Variants in CLEC4E observed in about 807,000 individuals in gnomAD.
CLEC4E encodes the protein C-type lectin domain family 4 member E.
CLEC4E carries 21 observed loss-of-function variants against 24.7 expected under a neutral mutation model. The ratio of observed to expected loss-of-function variants is 0.85; its 90% CI spans 0.60 to 1.22. The LOEUF is 1.22. Among genes scored for constraint, CLEC4E ranks in the 50% most tolerant of loss-of-function variants. The pLI is 0.00. For missense variants in CLEC4E, 249 were observed against 254.1 expected (o/e 0.98, Z 0.14); for synonymous variants, 94 against 85.7 (o/e 1.10, Z -0.54).
intron 2 of CLEC4E, 148 bp from the exon 3 acceptor site, chr12:8,539,454 T>C (rs758200717): frequency 1.6e-6 from 1 of 630,098 alleles, no homozygotes; most frequent in South Asian, 1.9e-5. Flanking sequence ...AAAATAGATA[T>C]GTTTGCACTA....
chr12:8,537,338 C>T, intron 3 of CLEC4E, 72 bp from the exon 4 acceptor site: 1 of 1,432,936 alleles, frequency 7.0e-7, no homozygotes, highest in Non-Finnish European at 9.6e-7. Context: ...CATCTGGCCC[C>T]ATGGAGTCCT....
chr12:8,534,864 C>A, intron 5 of CLEC4E, 55 bp from the exon 6 acceptor site: 1 of 1,442,804 alleles, frequency 6.9e-7, no homozygotes, highest in Non-Finnish European at 9.5e-7. Flanking sequence ...GGTAAAGTAA[C>A]CTAATATACT....
rs781583386 is a variant in CLEC4E at position 8,534,599 on chromosome 12, C to T, written c.*39G>A. 1 of 1,555,666 alleles carries T rather than the reference C, an allele frequency of 6.4e-7. No individual in the cohort carries two copies. Among genetic ancestry groups the T allele is most frequent in the Non-Finnish European group, 8.8e-7 (1 of 1,138,898 alleles). Reference sequence around the variant, plus strand: ...GGCGGTGGGTGTGGCCATGTTCTTGCTCTTCCTTCTTTACACATTTGAGTT... The same window carrying T: ...GGCGGTGGGTGTGGCCATGTTCTTGTTCTTCCTTCTTTACACATTTGAGTT... On this transcript the variant is annotated 3_prime_UTR_variant, in exon 6 of 6. Transcript: ENST00000299663.
At chr12:8,538,008 G>A (rs193162825) in intron 3 of CLEC4E, among the ~76,000 whole-genome samples, 4 of 152,252 alleles carry the variant, frequency 2.6e-5, no homozygotes, top group Admixed American at 6.5e-5. Flanking sequence ...TTGGTCTAGC[G>A]GTGACGCCAG....
chr12:8,539,281 A>C lies in CLEC4E; in HGVS notation c.156T>G (p.Cys52Trp). ...CAGGTAGCTGAAACTTTTTCTCATC[A>C]CAGGTTTGAAAGATGCGAAATGTCA... is the stretch of plus-strand genomic sequence containing the variant. ...CVVTFRIFQT[C>W]DEKKFQLPEN... Residue 52 changes from cysteine to tryptophan, a missense_variant, in exon 3 of 6, where the codon TGT becomes TGG. By Grantham distance (215) the Cys-to-Trp change is radical. Coordinates refer to ENST00000299663, the MANE Select transcript of CLEC4E (RefSeq NM_014358.4). 6.2e-7 allele frequency: 1 copy of C among 1,612,410 alleles called. No homozygotes were observed. Among genetic ancestry groups the C allele is most frequent in the South Asian group, 1.1e-5 (1 of 90,802 alleles).
intron 5 of CLEC4E, among the ~76,000 whole-genome samples, chr12:8,535,845 T>C (rs1258341344): frequency 6.6e-6 from 1 of 152,208 alleles, no homozygotes; most frequent in Non-Finnish European, 1.5e-5. Flanking sequence ...GACTCTTAAT[T>C]CCACCTCTCG....
At chr12:8,538,164 A>C (rs1288200555) in intron 3 of CLEC4E, among the ~76,000 whole-genome samples, 2 of 152,044 alleles carry the variant, frequency 1.3e-5, no homozygotes, top group African/African-American at 4.8e-5. Flanking sequence ...CTGCTCCTCC[A>C]CCTCTTGTGG....
rs1940571774 is a variant in CLEC4E at position 8,533,443 on chromosome 12, T to G, written c.*1195A>C. On this transcript the variant is annotated 3_prime_UTR_variant, in exon 6 of 6. Transcript: ENST00000299663. ...TATTCACAATAGCAAAAACATGGAA[T>G]CAATCTAAATGTGAGTCAACAATAG... The G allele has an allele frequency of 6.6e-6, 1 of 152,218 alleles. No individual in the cohort carries two copies. Among genetic ancestry groups the G allele is most frequent in the South Asian group, 2.1e-4 (1 of 4,834 alleles). 9.4% of individuals were successfully genotyped at this position (152,218 alleles called of 1,614,324 possible).
Position 8,533,462 on chromosome 12 carries a change from A to G in CLEC4E, c.*1176T>C, listed in dbSNP as rs922387196. 6.6e-6 allele frequency: 1 copy of G among 152,262 alleles called. No homozygotes were observed. The highest frequency in any genetic ancestry group is 6.5e-5 in the Admixed American group (1 of 15,292). 9.4% of individuals were successfully genotyped at this position (152,262 alleles called of 1,614,324 possible). On this transcript the variant is annotated 3_prime_UTR_variant, in exon 6 of 6. Transcript: ENST00000299663. ...ATGGAATCAATCTAAATGTGAGTCA[A>G]CAATAGATTGGATAGAGAAAATGTG...
In CLEC4E at chr12:8,534,686, A is replaced by T; in HGVS notation, c.612T>A (p.Ile204=). The T allele has an allele frequency of 6.2e-7, 1 of 1,613,976 alleles. No individual in the cohort carries two copies. The highest frequency in any genetic ancestry group is 2.2e-5 in the East Asian group (1 of 44,870). ...AAGGATTTATTCCTACCATTTCACAAATCCGAAAATAATTGAGGAAACAGG... is the reference window on the plus strand; with the variant it reads ...AAGGATTTATTCCTACCATTTCACATATCCGAAAATAATTGAGGAAACAGG... ...DVTCFLNYFR[I]CEMVGINPLN... is the part of the protein sequence containing the mutation. The change falls in exon 6 of 6, where the codon ATT becomes ATA. Residue 204 remains isoleucine (I), a synonymous_variant. Coordinates refer to ENST00000299663, the MANE Select transcript of CLEC4E (RefSeq NM_014358.4).
At chr12:8,538,312 C>T (rs951599406) in intron 3 of CLEC4E, among the ~76,000 whole-genome samples, 5 of 152,248 alleles carry the variant, frequency 3.3e-5, no homozygotes, top group African/African-American at 1.2e-4. Flanking sequence ...TTCTAGATAG[C>T]AGTAGTAAAT....
intron 5 of CLEC4E, 30 bp from the exon 6 acceptor site, chr12:8,534,839 ATCCCAGC>A (rs1375222385): frequency 9.5e-6 from 15 of 1,583,300 alleles, no homozygotes; most frequent in Middle Eastern, 1.7e-4. Flanking sequence ...GAGACTTAAA[ATCCCAGC>A]AAAAAGAGGT....
intron 3 of CLEC4E, among the ~76,000 whole-genome samples, chr12:8,538,430 CT>C (rs1470439581): frequency 6.6e-6 from 1 of 152,268 alleles, no homozygotes; most frequent in African/African-American, 2.4e-5. Context: ...GAAGGTCCCC[CT>C]GTCCAGTGGA....
Position 8,537,165 on chromosome 12 carries a change from A to G in CLEC4E, c.322T>C (p.Cys108Arg). Reference protein sequence around the residue: ...TISWALSLKNCSAMGAHLVVI... With the variant: ...TISWALSLKNRSAMGAHLVVI... ...ACCAGGTGAGCCCCCATGGCTGAGC[A>G]GTTCTTTAAACTTAACGCCCAGGAA... is the stretch of plus-strand genomic sequence containing the variant. Residue 108 changes from cysteine (C) to arginine (R), a missense_variant, in exon 4 of 6, where the codon TGC becomes CGC. Physicochemically the swap from Cys to Arg is radical, Grantham distance 180. Coordinates refer to ENST00000299663, the MANE Select transcript of CLEC4E (RefSeq NM_014358.4). The G allele has an allele frequency of 1.2e-6, 2 of 1,614,152 alleles. No individual in the cohort carries two copies. Among genetic ancestry groups the G allele is most frequent in the South Asian group, 2.2e-5 (2 of 91,086 alleles).
intron 2 of CLEC4E, 54 bp from the exon 3 acceptor site, chr12:8,539,360 G>C (rs1940663486): frequency 8.9e-7 from 1 of 1,119,138 alleles, no homozygotes; most frequent in Admixed American, 2.1e-5. Context: ...AAAAATGTCA[G>C]TTCCCTCAGT....
chr12:8,540,644 C>T (rs5014225), intron 1 of CLEC4E, 117 bp downstream of exon 1: 1 of 935,520 alleles, frequency 1.1e-6, no homozygotes. Flanking sequence ...TTCCTCTGTC[C>T]CCCCACTTTT....
In CLEC4E at chr12:8,536,862, T is replaced by G. The variant is rs764593787; in HGVS notation, c.372+253A>C. Reference sequence around the variant, plus strand: ...CATAAACATAACGATTCGTCTAAAATTAACACTTCCAACCCTCTTTTTCCC... The same window carrying G: ...CATAAACATAACGATTCGTCTAAAAGTAACACTTCCAACCCTCTTTTTCCC... On this transcript the variant is annotated intron_variant, in intron 4 of 5. Transcript: ENST00000299663. 1.4e-3 allele frequency among the ~76,000 whole-genome samples: 218 copies of G among 152,288 alleles called. 1 individual carries two copies. The highest frequency in any genetic ancestry group is 5.1e-3 in the African/African-American group (213 of 41,564).
chr12:8,537,025 G>C (rs775598291), intron 4 of CLEC4E, 90 bp downstream of exon 4: 22 of 1,164,212 alleles, frequency 1.9e-5, no homozygotes, highest in Non-Finnish European at 2.5e-5. Context: ...ATTAACAATA[G>C]TCATTGGGGG....
chr12:8,534,432 G>T lies in CLEC4E; in HGVS notation c.*206C>A, dbSNP rs758566505. On this transcript the variant is annotated 3_prime_UTR_variant, in exon 6 of 6. Transcript: ENST00000299663. The stretch of plus-strand genomic sequence containing the variant: ...ATTGCTTTGTAAATTCTGGGAAGAG[G>T]ACCTGAGACTAACGTAGAGAGAAAA... 2.8e-5 allele frequency: 11 copies of T among 397,260 alleles called. No individual in the cohort carries two copies. Among genetic ancestry groups the T allele is most frequent in the Non-Finnish European group, 3.6e-5 (8 of 222,074 alleles). 24.6% of individuals were successfully genotyped at this position (397,260 alleles called of 1,614,324 possible).
Sources: gnomAD v4.1 joint callset for allele counts (sites outside exome capture counted in the v4.1 genomes callset) on GRCh38, gnomAD v4.1.1 for gene constraint, MANE v1.5 for transcripts, NCBI Gene and HGNC (gene_info 2026-07-23, HGNC 2026-07-21) for gene names.